GPR89B: variants seen among roughly 807,000 people sequenced by gnomAD.
GPR89B encodes the protein golgi pH regulator B.
GPR89B carries 25 observed loss-of-function variants against 52.4 expected under a neutral mutation model. That is an observed-to-expected ratio of 0.48 (90% CI 0.35 to 0.67). The LOEUF (loss-of-function observed/expected upper bound fraction) is 0.67, where lower values mean the gene tolerates loss of function less well. Ranked by LOEUF, GPR89B falls within the 30% of genes least tolerant of loss-of-function variation. The pLI is 0.01. For missense variants in GPR89B, 146 were observed against 450.2 expected, an observed-to-expected ratio of 0.32 and a Z score of 6.11; for synonymous variants, 52 against 151.2, an observed-to-expected ratio of 0.34 and a Z score of 4.81.
the GPR89B span, among the ~76,000 whole-genome samples, chr1:148,015,755 T>G: frequency 6.7e-6 from 1 of 149,058 alleles, no homozygotes; most frequent in African/African-American, 2.5e-5. Context: ...TACGGGCATT[T>G]TCGGCGTTTT....
At chr1:147,994,071 C>A (rs1265251619), downstream of GPR89B, 84 of 998,386 alleles carry the variant, frequency 8.4e-5, no homozygotes, top group African/African-American at 9.1e-4. Context: ...TGAAAAAAAT[C>A]TAGCTCTTGC....
chr1:148,017,819 C>T, the GPR89B span, among the ~76,000 whole-genome samples: 1 of 150,212 alleles, frequency 6.7e-6, no homozygotes, highest in African/African-American at 2.5e-5. Flanking sequence ...TGTGTTCTCC[C>T]CAGACATCCC....
chr1:147,978,262 C>T (rs1338538238), intron 10 of GPR89B, among the ~76,000 whole-genome samples: 33 of 151,918 alleles, frequency 2.2e-4, no homozygotes, highest in African/African-American at 6.1e-4. Context: ...GGGCTGCTGC[C>T]ATTTGTTGGG....
the GPR89B span, among the ~76,000 whole-genome samples, chr1:148,025,529 A>G: frequency 8.1e-6 from 1 of 123,558 alleles, no homozygotes; most frequent in Non-Finnish European, 1.7e-5. Flanking sequence ...GTCTCAAAAA[A>G]AAAAAAAAAA....
chr1:148,011,978 G>A, the GPR89B span: 13 of 152,214 alleles, frequency 8.5e-5, no homozygotes, highest in Non-Finnish European at 1.6e-4. Flanking sequence ...GGATTCCCCC[G>A]GCTCTCCAGC....
At chr1:148,025,316 C>T in the GPR89B span, among the ~76,000 whole-genome samples, 1 of 151,948 alleles carries the variant, frequency 6.6e-6, no homozygotes, top group East Asian at 1.9e-4. Context: ...CTAACAACTT[C>T]TTCCTGGCCC....
intron 1 of GPR89B, among the ~76,000 whole-genome samples, chr1:147,931,278 C>A (rs1279068658): frequency 6.6e-6 from 1 of 151,890 alleles, no homozygotes; most frequent in Admixed American, 6.6e-5. Context: ...AATTTTCAAC[C>A]CAGAAGTCAC....
the GPR89B span, among the ~76,000 whole-genome samples, chr1:148,019,200 C>A: frequency 1.3e-5 from 2 of 151,366 alleles, no homozygotes; most frequent in Admixed American, 1.3e-4. Context: ...TGGTCTCGAA[C>A]TCCTGACCTC....
chr1:148,004,171 T>C, the GPR89B span, among the ~76,000 whole-genome samples: 2 of 148,290 alleles, frequency 1.3e-5, no homozygotes, highest in African/African-American at 4.9e-5. Flanking sequence ...TTTTTTTTTT[T>C]TTTGAGATGG....
At position 147,962,820 on chromosome 1, in the gene GPR89B, C is replaced by T. The variant is rs1169046603; in HGVS notation, c.618-3734C>T. Among the ~76,000 whole-genome samples, 1,426 of 151,036 alleles carry T rather than the reference C, an allele frequency of 9.4e-3. 29 individuals are homozygous for T. Among genetic ancestry groups the T allele is most frequent in the African/African-American group, 0.033 (1,361 of 40,826 alleles). On this transcript the variant is annotated intron_variant, in intron 7 of 13. Transcript: ENST00000314163. The stretch of plus-strand genomic sequence containing the variant: ...GGCTGAGGCAGGAGAATTGCTGAAC[C>T]CAGGAGGTGGAGGTTGCAGTGAGCC...
intron 5 of GPR89B, among the ~76,000 whole-genome samples, chr1:147,950,016 C>T (rs1343555267): frequency 2.2e-5 from 3 of 136,540 alleles, no homozygotes; most frequent in East Asian, 2.3e-4. Context: ...GCTGGCCGGG[C>T]GGGGGGCTGA....
At chr1:148,003,178 CAG>C in the GPR89B span, among the ~76,000 whole-genome samples, 6 of 152,114 alleles carry the variant, frequency 3.9e-5, no homozygotes, top group African/African-American at 9.7e-5. Context: ...TTAATGTAAA[CAG>C]AGAGTGAAAA....
chr1:147,975,168 TC>T (rs1657747411), intron 10 of GPR89B, among the ~76,000 whole-genome samples: 1 of 131,534 alleles, frequency 7.6e-6, no homozygotes, highest in African/African-American at 2.9e-5. Context: ...GATTTTGGTA[TC>T]AGAATGAGCT....
intron 10 of GPR89B, among the ~76,000 whole-genome samples, chr1:147,978,271 G>A (rs1235384726): frequency 6.6e-6 from 1 of 151,908 alleles, no homozygotes; most frequent in Non-Finnish European, 1.5e-5. Context: ...CCATTTGTTG[G>A]GGGTCGAATC....
At chr1:147,971,067 C>T (rs1657424900) in intron 10 of GPR89B, among the ~76,000 whole-genome samples, 3 of 151,122 alleles carry the variant, frequency 2.0e-5, no homozygotes, top group Admixed American at 1.3e-4. Context: ...TGGATTCATT[C>T]AGTGGGAGAT....
At chr1:147,987,321 A>T (rs1231307730) in intron 11 of GPR89B, among the ~76,000 whole-genome samples, 2 of 152,044 alleles carry the variant, frequency 1.3e-5, no homozygotes, top group African/African-American at 4.8e-5. Context: ...GGAGTTCAAG[A>T]CCAGCCTGGG....
At chr1:147,931,208 A>G (rs1653570602) in intron 1 of GPR89B, among the ~76,000 whole-genome samples, 1 of 152,040 alleles carries the variant, frequency 6.6e-6, no homozygotes, top group Non-Finnish European at 1.5e-5. Context: ...GGTGTCTTTT[A>G]TAGTTAATTC....
At chr1:147,991,491 T>C (rs1160080250) in intron 12 of GPR89B, among the ~76,000 whole-genome samples, 1 of 152,160 alleles carries the variant, frequency 6.6e-6, no homozygotes, top group Non-Finnish European at 1.5e-5. Flanking sequence ...CTATGTTGAA[T>C]AAGAGTGGTG....
intron 2 of GPR89B, among the ~76,000 whole-genome samples, chr1:147,937,673 C>G (rs1654202271): frequency 1.3e-5 from 2 of 152,190 alleles, no homozygotes; most frequent in South Asian, 4.1e-4. Context: ...GAATATGACT[C>G]TATTCTGCCC....
Sources: gnomAD v4.1 joint callset for allele counts (sites outside exome capture counted in the v4.1 genomes callset) on GRCh38, gnomAD v4.1.1 for gene constraint, MANE v1.5 for transcripts, NCBI Gene and HGNC (gene_info 2026-07-23, HGNC 2026-07-21) for gene names.